SEPTIN7: variants seen among roughly 807,000 people sequenced by gnomAD.
SEPTIN7 encodes the protein septin-7.
SEPTIN7 carries 10 observed loss-of-function variants against 63.3 expected under a neutral mutation model. That is an observed-to-expected ratio of 0.16 (90% confidence interval 0.10 to 0.27). The LOEUF is 0.27. Among genes scored for constraint, SEPTIN7 ranks in the 10% least tolerant of loss-of-function variants. The pLI, the probability that SEPTIN7 is intolerant of heterozygous loss-of-function variation, is 1.00. For missense variants in SEPTIN7, 310 were observed against 521.0 expected (o/e 0.59, Z 3.94); for synonymous variants, 131 against 165.3 (o/e 0.79, Z 1.59).
chr7:35,877,925 C>T (rs978176447), intron 6 of SEPTIN7, among the ~76,000 whole-genome samples: 1 of 152,122 alleles, frequency 6.6e-6, no homozygotes, highest in Non-Finnish European at 1.5e-5. Context: ...CGTTTAATAG[C>T]GTAGCCTACA....
intron 12 of SEPTIN7, 137 bp from the exon 13 acceptor site, chr7:35,902,939 C>A (rs1463248548): frequency 1.6e-6 from 2 of 1,269,498 alleles, no homozygotes; most frequent in Non-Finnish European, 2.0e-6. Context: ...CAGAGTACTT[C>A]CAGGTAGTAC....
chr7:35,832,933 T>C (rs1562532743), intron 3 of SEPTIN7, 33 bp downstream of exon 3: 1 of 1,270,602 alleles, frequency 7.9e-7, no homozygotes, highest in Non-Finnish European at 1.2e-6. Flanking sequence ...AATGGAACTT[T>C]GGTTTAAGTT....
rs140013657 is a variant in SEPTIN7, at chr7:35,887,823, T to A, written c.872+1944T>A. Among the ~76,000 whole-genome samples the A allele has an allele frequency of 2.0e-4, 31 of 152,366 alleles. No homozygotes were observed. The East Asian group carries it at 5.2e-3, about 26-fold the overall frequency. ...AGTTATTATTAAAAAGATGTGTATT[T>A]AATTTAGCTCATGTCTTTAAGACAA... On this transcript the variant is annotated intron_variant, in intron 10 of 13. Transcript: ENST00000350320.
chr7:35,813,949 A>G (rs537408042), intron 1 of SEPTIN7, among the ~76,000 whole-genome samples: 13 of 152,270 alleles, frequency 8.5e-5, no homozygotes, highest in Admixed American at 2.0e-4. Context: ...GATGTTAACT[A>G]TTGGTAGTAT....
intron 7 of SEPTIN7, among the ~76,000 whole-genome samples, chr7:35,881,268 CTA>C (rs1786857739): frequency 6.6e-6 from 1 of 151,664 alleles, no homozygotes; most frequent in Admixed American, 6.6e-5. Flanking sequence ...GTTTCAAACA[CTA>C]TCATATAATA....
At chr7:35,828,117 A>G (rs1783612507) in intron 1 of SEPTIN7, among the ~76,000 whole-genome samples, 1 of 152,172 alleles carries the variant, frequency 6.6e-6, no homozygotes, top group African/African-American at 2.4e-5. Flanking sequence ...ATTTATTATA[A>G]TAATTACATG....
intron 1 of SEPTIN7, among the ~76,000 whole-genome samples, chr7:35,801,952 G>A (rs979855674): frequency 1.3e-5 from 2 of 152,198 alleles, no homozygotes; most frequent in African/African-American, 2.4e-5. Flanking sequence ...GGTGGATGGC[G>A]GGCGAGTCTT....
chr7:35,908,802 C>T (rs564555755), downstream of SEPTIN7, among the ~76,000 whole-genome samples: 117 of 152,344 alleles, frequency 7.7e-4, 1 homozygote, highest in Middle Eastern at 0.014. Context: ...ACAGATTCCC[C>T]TGGGTGAGGG....
At chr7:35,915,060 C>T in the SEPTIN7 span, among the ~76,000 whole-genome samples, 3 of 151,254 alleles carry the variant, frequency 2.0e-5, no homozygotes, top group African/African-American at 7.3e-5. Flanking sequence ...TGTATATATA[C>T]ACAGATGCAT....
rs189594267 is a variant in SEPTIN7 at position 35,834,633 on chromosome 7, A to G, written c.169+1733A>G. Among the ~76,000 whole-genome samples the G allele has an allele frequency of 4.4e-4, 67 of 152,250 alleles. 1 individual carries two copies. The East Asian group carries it at 9.8e-3, about 22-fold the overall frequency. On this transcript the variant is annotated intron_variant, in intron 3 of 13. Transcript: ENST00000350320. ...AGCCTTGAACATTGTTTAATTAACT[A>G]CATTTGAATAGATATATTGAGTGCA...
rs1211043739 is a variant in SEPTIN7, at chr7:35,904,287, C to G, written c.1308C>G (p.Ile436Met). ...TLEKNKKKGK[I>M]F is the part of the protein sequence containing the mutation. ...AAAAGAACAAGAAGAAAGGGAAGAT[C>G]TTTTAAACTCTCTATTGACCACCAG... The change falls in exon 14 of 14, where the codon ATC (isoleucine) becomes ATG (methionine). Residue 436 changes from isoleucine to methionine, a missense_variant. By Grantham distance (10) the Ile-to-Met change is conservative. This residue lies in a region of SEPTIN7 where 255 missense variants were observed against 490.5 expected (regional missense o/e 0.52). Transcript: ENST00000350320. The G allele has an allele frequency of 6.4e-7, 1 of 1,562,198 alleles. No homozygotes were observed. Among genetic ancestry groups the G allele is most frequent in the Admixed American group, 1.9e-5 (1 of 52,588 alleles).
chr7:35,808,358 C>T (rs1362989564), intron 1 of SEPTIN7, among the ~76,000 whole-genome samples: 1 of 152,152 alleles, frequency 6.6e-6, no homozygotes, highest in African/African-American at 2.4e-5. Context: ...CATTAAGACA[C>T]ATTATTTCCC....
intron 1 of SEPTIN7, among the ~76,000 whole-genome samples, chr7:35,809,256 C>G (rs1788550150): frequency 6.6e-6 from 1 of 152,220 alleles, no homozygotes; most frequent in Non-Finnish European, 1.5e-5. Context: ...ATTCATATCT[C>G]AGTTCTAAAG....
At chr7:35,884,079 A>ACTAC in intron 9 of SEPTIN7, 92 bp downstream of exon 9, 1 of 688,804 alleles carries the variant, frequency 1.5e-6, no homozygotes, top group Non-Finnish European at 2.6e-6. Context: ...TGCACACTGT[A>ACTAC]TTGATATAGT....
chr7:35,890,002 A>G (rs1316666246), intron 10 of SEPTIN7, among the ~76,000 whole-genome samples: 1 of 152,194 alleles, frequency 6.6e-6, no homozygotes, highest in African/African-American at 2.4e-5. Context: ...AGAACACTAC[A>G]TTGGTAAAGG....
intron 1 of SEPTIN7, among the ~76,000 whole-genome samples, chr7:35,807,725 C>T (rs1330841959): frequency 1.3e-5 from 2 of 151,938 alleles, no homozygotes; most frequent in Admixed American, 6.6e-5. Flanking sequence ...CTCGAACTCT[C>T]GACCTCAGGT....
intron 3 of SEPTIN7, among the ~76,000 whole-genome samples, chr7:35,835,556 T>A (rs1455428685): frequency 6.6e-6 from 1 of 152,184 alleles, no homozygotes; most frequent in Non-Finnish European, 1.5e-5. Flanking sequence ...TCTGGGATGT[T>A]CTTAACCACC....
At chr7:35,803,829 T>G (rs1050204624) in intron 1 of SEPTIN7, among the ~76,000 whole-genome samples, 1 of 152,218 alleles carries the variant, frequency 6.6e-6, no homozygotes, top group Admixed American at 6.5e-5. Flanking sequence ...TAAGGTAGTT[T>G]GATTATGGGT....
intron 4 of SEPTIN7, among the ~76,000 whole-genome samples, chr7:35,865,696 T>C (rs934957509): frequency 2.6e-5 from 4 of 152,204 alleles, no homozygotes; most frequent in South Asian, 2.1e-4. Flanking sequence ...TTTGTACTCA[T>C]TAACTGTTAT....
Sources: allele counts gnomAD v4.1 joint callset (sites outside exome capture counted in the v4.1 genomes callset), GRCh38; gene constraint gnomAD v4.1.1; regional missense constraint gnomAD v4.1.1; transcripts MANE v1.5; gene names NCBI Gene and HGNC (gene_info 2026-07-23, HGNC 2026-07-21).